Variants in ERCC6L2 observed in about 807,000 individuals in gnomAD.
ERCC6L2 encodes the protein DNA excision repair protein ERCC-6-like 2.
ERCC6L2 carries 77 observed loss-of-function variants against 132.0 expected under a neutral mutation model. The observed-to-expected ratio is 0.58, with a 90% CI of 0.49 to 0.71. The LOEUF (loss-of-function observed/expected upper bound fraction) is 0.71, where lower values mean the gene tolerates loss of function less well. ERCC6L2 is among the 30% of genes least tolerant of loss of function. ERCC6L2 has a pLI of 0.00. For synonymous variants in ERCC6L2, 583 were observed against 632.4 expected, an observed-to-expected ratio of 0.92 and a Z score of 1.17; for missense variants, 1,542 against 1,837.6, an observed-to-expected ratio of 0.84 and a Z score of 2.94.
At chr9:95,894,715 C>T (rs147216803) in intron 2 of ERCC6L2, among the ~76,000 whole-genome samples, 2,334 of 151,302 alleles carry the variant, frequency 0.015, 25 homozygotes, top group Non-Finnish European at 0.024. Context: ...CTGCCTCAGC[C>T]TTCCAAGTAG....
intron 17 of ERCC6L2, among the ~76,000 whole-genome samples, chr9:95,982,919 A>G (rs920725535): frequency 1.7e-4 from 26 of 152,196 alleles, no homozygotes; most frequent in Non-Finnish European, 3.5e-4. Context: ...GCTGGAGGCT[A>G]CGAGAAGCTG....
Position 95,941,609 on chromosome 9 carries a change from G to C in ERCC6L2, c.1847+60G>C, listed in dbSNP as rs1830805268. On this transcript the variant is annotated intron_variant, in intron 12 of 18. Coordinates refer to ENST00000653738, the MANE Select transcript of ERCC6L2 (RefSeq NM_020207.7). ...ATACTTTTAATCTAAAAATACTCTTGAACTTTTAAGGTTGCTTATACTATG... is the reference window on the plus strand; with the variant it reads ...ATACTTTTAATCTAAAAATACTCTTCAACTTTTAAGGTTGCTTATACTATG... 2.4e-6 allele frequency: 3 copies of C among 1,257,142 alleles called. 1 individual carries two copies. In the East Asian group the frequency reaches 7.0e-5, roughly 29 times the overall value. The allele number at this position is 1,257,142 out of a possible 1,614,324, so 77.9% of individuals were successfully genotyped here.
intron 6 of ERCC6L2, chr9:95,918,459 C>A: frequency 4.2e-6 from 2 of 472,786 alleles, no homozygotes; most frequent in South Asian, 3.2e-5. Flanking sequence ...TTATTCAGGT[C>A]CTGCAGGTCT....
chr9:96,033,647 C>G (rs1160726398), intron 19 of ERCC6L2, among the ~76,000 whole-genome samples: 2 of 152,230 alleles, frequency 1.3e-5, no homozygotes, highest in Non-Finnish European at 2.9e-5. Flanking sequence ...CCCCAGGAGG[C>G]TGGGATCTGG....
chr9:95,959,621 A>G (rs1486940710), intron 13 of ERCC6L2, among the ~76,000 whole-genome samples: 3 of 152,098 alleles, frequency 2.0e-5, no homozygotes, highest in Non-Finnish European at 2.9e-5. Flanking sequence ...AAATTTTCAC[A>G]ACCTACTCAT....
intron 2 of ERCC6L2, among the ~76,000 whole-genome samples, chr9:95,889,141 A>G (rs976830284): frequency 6.6e-6 from 1 of 152,192 alleles, no homozygotes; most frequent in African/African-American, 2.4e-5. Flanking sequence ...GCTGCCACAT[A>G]TGAAATATCT....
intron 19 of ERCC6L2, among the ~76,000 whole-genome samples, chr9:96,034,696 G>A (rs1042406367): frequency 6.6e-6 from 1 of 152,086 alleles, no homozygotes; most frequent in Non-Finnish European, 1.5e-5. Context: ...CCCCTTCTGA[G>A]TTTGGGTGGG....
rs1478819491 is a variant in ERCC6L2 at position 95,923,387 on chromosome 9, C to T, written c.1533+8C>T. On this transcript the variant is annotated splice_region_variant and intron_variant, in intron 9 of 18. Transcript: ENST00000653738. Reference sequence around the variant, plus strand: ...TACAGTGGAAAAATGAAGGTAAGTGCTCCTCTTTCAGGTTGCATACAGACA... The same window carrying T: ...TACAGTGGAAAAATGAAGGTAAGTGTTCCTCTTTCAGGTTGCATACAGACA... The T allele has an allele frequency of 2.5e-6, 4 of 1,612,632 alleles. No individual in the cohort carries two copies. Among genetic ancestry groups the T allele is most frequent in the South Asian group, 1.1e-5 (1 of 90,908 alleles).
In ERCC6L2 at chr9:95,876,313, C is replaced by T. The variant is rs1827266225; in HGVS notation, c.46+229C>T. ...TAGTGCTGCCTCTGACAGTTACTTGCTGAGCAACTTTGGGCAGGCTCCTCA... is the reference window on the plus strand; with the variant it reads ...TAGTGCTGCCTCTGACAGTTACTTGTTGAGCAACTTTGGGCAGGCTCCTCA... On this transcript the variant is annotated intron_variant, in intron 1 of 18. Coordinates refer to ENST00000653738, the MANE Select transcript of ERCC6L2 (RefSeq NM_020207.7). The T allele has an allele frequency of 6.3e-6, 3 of 472,524 alleles. No homozygotes were observed. The South Asian group carries it at 1.2e-4, about 19-fold the overall frequency. The allele number at this position is 472,524 out of a possible 1,614,324, so 29.3% of individuals were successfully genotyped here.
intron 12 of ERCC6L2, among the ~76,000 whole-genome samples, chr9:95,946,206 A>C (rs1366771639): frequency 6.6e-6 from 1 of 152,152 alleles, no homozygotes; most frequent in Admixed American, 6.5e-5. Flanking sequence ...CCACAACTAT[A>C]ATGGGAAACT....
chr9:95,988,513 C>A lies in ERCC6L2; in HGVS notation c.3492+10298C>A, dbSNP rs577026099. ...ATTGGAAAGCCGTATCCCACTATTTCATTTGCTATGTAAGGCTATTTTGTT... is the reference window on the plus strand; with the variant it reads ...ATTGGAAAGCCGTATCCCACTATTTAATTTGCTATGTAAGGCTATTTTGTT... On this transcript the variant is annotated intron_variant, in intron 17 of 18. Coordinates refer to ENST00000653738, the MANE Select transcript of ERCC6L2 (RefSeq NM_020207.7). Among the ~76,000 whole-genome samples, 12 of 152,320 alleles carry A rather than the reference C, an allele frequency of 7.9e-5. No individual in the cohort carries two copies. In the South Asian group the frequency reaches 2.5e-3, roughly 32 times the overall value.
chr9:96,022,580 G>A (rs1834309611), downstream of ERCC6L2, among the ~76,000 whole-genome samples: 2 of 152,194 alleles, frequency 1.3e-5, no homozygotes, highest in African/African-American at 4.8e-5. Flanking sequence ...AGGGGCTTCC[G>A]CGGGAGCCAT....
At chr9:95,912,892 C>T (rs1224651057) in intron 4 of ERCC6L2, among the ~76,000 whole-genome samples, 1 of 152,162 alleles carries the variant, frequency 6.6e-6, no homozygotes, top group Admixed American at 6.5e-5. Context: ...GGCCCAAAGG[C>T]TTAAATAGAT....
At chr9:95,898,565 TTA>T (rs1226687717) in intron 3 of ERCC6L2, among the ~76,000 whole-genome samples, 8 of 152,090 alleles carry the variant, frequency 5.3e-5, no homozygotes, top group Admixed American at 1.3e-4. Context: ...TATAAATACG[TTA>T]TATATGATTC....
intron 18 of ERCC6L2, among the ~76,000 whole-genome samples, chr9:96,009,351 C>T (rs1287213116): frequency 2.0e-5 from 3 of 152,192 alleles, no homozygotes; most frequent in African/African-American, 7.2e-5. Context: ...CCCTCTTTTC[C>T]ATTAACTGTC....
intron 16 of ERCC6L2, among the ~76,000 whole-genome samples, chr9:95,973,483 C>T (rs1219571428): frequency 2.0e-5 from 3 of 152,116 alleles, no homozygotes; most frequent in African/African-American, 7.2e-5. Context: ...TTAATGGATT[C>T]ACAGTTCCAC....
At chr9:96,024,047 T>C (rs1356884106) in intron 19 of ERCC6L2, among the ~76,000 whole-genome samples, 2 of 152,244 alleles carry the variant, frequency 1.3e-5, no homozygotes, top group Non-Finnish European at 2.9e-5. Flanking sequence ...TTAGGTGTAC[T>C]TAGCAACGTT....
At chr9:95,951,445 CAA>C (rs1163810290) in intron 12 of ERCC6L2, among the ~76,000 whole-genome samples, 1 of 151,608 alleles carries the variant, frequency 6.6e-6, no homozygotes, top group African/African-American at 2.4e-5. Flanking sequence ...AAGGAAATAA[CAA>C]ATATTAGAAC....
chr9:96,032,362 C>T (rs1276206508), intron 19 of ERCC6L2, among the ~76,000 whole-genome samples: 1 of 152,260 alleles, frequency 6.6e-6, no homozygotes, highest in African/African-American at 2.4e-5. Flanking sequence ...GCGCCTTCCT[C>T]CGCATCCTCT....
Sources: allele counts gnomAD v4.1 joint callset (sites outside exome capture counted in the v4.1 genomes callset), GRCh38; gene constraint gnomAD v4.1.1; transcripts MANE v1.5; gene names NCBI Gene and HGNC (gene_info 2026-07-23, HGNC 2026-07-21).